ASPH: variants seen among roughly 807,000 people sequenced by gnomAD.
The protein encoded by ASPH is aspartate beta-hydroxylase.
In ASPH, 100 loss-of-function variants were observed where a neutral mutation model predicts 118.4. The observed-to-expected ratio is 0.84, with a 90% CI of 0.72 to 1.00. ASPH has a LOEUF of 1.00. Ranked by LOEUF, ASPH falls within the 50% of genes least tolerant of loss-of-function variation. The pLI, the probability that ASPH is intolerant of heterozygous loss-of-function variation, is 0.00. For missense variants in ASPH, 920 were observed against 919.5 expected (o/e 1.00, Z -0.01); for synonymous variants, 315 against 325.6 (o/e 0.97, Z 0.35).
chr8:61,640,373 G>A (rs771187139), intron 10 of ASPH, among the ~76,000 whole-genome samples: 3 of 152,132 alleles, frequency 2.0e-5, no homozygotes, highest in South Asian at 2.1e-4. Flanking sequence ...GAAGATGAAC[G>A]TCCTTGATCT....
At chr8:61,562,635 C>G in intron 18 of ASPH, 109 bp downstream of exon 18, 1 of 1,117,256 alleles carries the variant, frequency 9.0e-7, no homozygotes, top group Non-Finnish European at 1.2e-6. Flanking sequence ...ATAATACTTA[C>G]ATGCTTTTTA....
At chr8:61,705,735 C>G (rs184428205) in intron 1 of ASPH, among the ~76,000 whole-genome samples, 1 of 152,144 alleles carries the variant, frequency 6.6e-6, no homozygotes, top group Non-Finnish European at 1.5e-5. Context: ...AGATCAGACA[C>G]TAAAATTTGT....
At chr8:61,625,977 G>T in intron 13 of ASPH, 2 of 1,165,286 alleles carry the variant, frequency 1.7e-6, no homozygotes, top group Non-Finnish European at 1.1e-6. Flanking sequence ...ATAAATTCAG[G>T]TAAGACTAAA....
intron 14 of ASPH, among the ~76,000 whole-genome samples, chr8:61,598,624 C>T (rs1843091820): frequency 1.3e-5 from 2 of 152,188 alleles, no homozygotes; most frequent in African/African-American, 2.4e-5. Flanking sequence ...ATTTAAACTG[C>T]ACTTTTAGAC....
At chr8:61,578,407 T>G in intron 15 of ASPH, 1 of 1,604,136 alleles carries the variant, frequency 6.2e-7, no homozygotes, top group African/African-American at 1.3e-5. Context: ...ATGGGAGGCA[T>G]CACCGCAGTC....
chr8:61,630,683 C>A (rs758471735), intron 13 of ASPH, among the ~76,000 whole-genome samples: 1 of 152,078 alleles, frequency 6.6e-6, no homozygotes, highest in African/African-American at 2.4e-5. Context: ...TACTGCACTG[C>A]CAGCTGTATT....
chr8:61,665,100 T>C, intron 3 of ASPH: 2 of 1,417,150 alleles, frequency 1.4e-6, no homozygotes, highest in Non-Finnish European at 1.8e-6. Flanking sequence ...TATTTAAATT[T>C]CAGGTAATTT....
chr8:61,503,509 C>G lies in ASPH; in HGVS notation c.2127G>C (p.Lys709Asn), dbSNP rs769377583. Residue 709 changes from lysine (K) to asparagine (N), a missense_variant and splice_region_variant, in exon 25 of 25, where the codon AAG (lysine) becomes AAC (asparagine). Physicochemically the swap from Lys to Asn is moderately conservative, Grantham distance 94. Coordinates refer to ENST00000379454, the MANE Select transcript of ASPH (RefSeq NM_004318.4). ...TGAGCACCTTGCCTTCCTCCCAGGT[C>G]CTGCAGCAGAAAGACAAGGATTCCT... ...GCKIRCANET[K>N]TWEEGKVLIF... is the part of the protein sequence containing the mutation. 6.2e-7 allele frequency: 1 copy of G among 1,609,866 alleles called. No individual in the cohort carries two copies. The highest frequency in any genetic ancestry group is 1.7e-5 in the Admixed American group (1 of 59,616).
chr8:61,531,027 G>T lies in ASPH; in HGVS notation c.1765-4915C>A, dbSNP rs571498754. Among the ~76,000 whole-genome samples, 93 of 152,166 alleles carry T rather than the reference G, an allele frequency of 6.1e-4. 1 individual carries two copies. In the Middle Eastern group the frequency reaches 0.027, roughly 45 times the overall value. On this transcript the variant is annotated intron_variant, in intron 21 of 24. Transcript: ENST00000379454. ...AAATTCACATTCAGGTTTTATAATAGTATGACAATCAGGTATCATTCATAC... is the reference window on the plus strand; with the variant it reads ...AAATTCACATTCAGGTTTTATAATATTATGACAATCAGGTATCATTCATAC...
rs1208418451 is a variant in ASPH, at chr8:61,642,902, A to C, written c.776T>G (p.Val259Gly). Residue 259 changes from valine (V) to glycine (G), a missense_variant, in exon 10 of 25, where the codon GTC (valine) becomes GGC (glycine). Physicochemically the swap from Val to Gly is moderately radical, Grantham distance 109 (BLOSUM62 -3). Transcript: ENST00000379454. ...CATTTGCAAACCTTGTTCCTCATAG[A>C]CTTGGTATGTTACATCATCTGAAAA... ...HHDTDDVTYQVYEEQAVYEPL... is the reference protein window; with the variant it reads ...HHDTDDVTYQGYEEQAVYEPL... The C allele has an allele frequency of 1.3e-6, 2 of 1,558,640 alleles. No individual in the cohort carries two copies. Among genetic ancestry groups the C allele is most frequent in the Non-Finnish European group, 1.7e-6 (2 of 1,161,550 alleles).
intron 22 of ASPH, among the ~76,000 whole-genome samples, chr8:61,520,327 A>G (rs1812465975): frequency 6.6e-6 from 1 of 152,226 alleles, no homozygotes; most frequent in Non-Finnish European, 1.5e-5. Flanking sequence ...AGTCAGAGAC[A>G]TTTTAATTCC....
intron 24 of ASPH, among the ~76,000 whole-genome samples, chr8:61,513,136 T>A (rs1809535678): frequency 6.6e-6 from 1 of 152,208 alleles, no homozygotes; most frequent in Non-Finnish European, 1.5e-5. Flanking sequence ...ATGTACAAAT[T>A]GCTACAGATA....
At chr8:61,650,276 A>G (rs1255136465) in intron 5 of ASPH, among the ~76,000 whole-genome samples, 1 of 152,022 alleles carries the variant, frequency 6.6e-6, no homozygotes, top group African/African-American at 2.4e-5. Flanking sequence ...AGGCTCCTAC[A>G]CCCCTAGCAT....
rs114255913 is a variant in ASPH at position 61,612,968 on chromosome 8, C to T, written c.976+6010G>A. ...AGGCTATATGCATCTTATAATATCA[C>T]TATCAGATGAAGGGGCAAGAATGAA... On this transcript the variant is annotated intron_variant, in intron 14 of 24. Coordinates refer to ENST00000379454, the MANE Select transcript of ASPH (RefSeq NM_004318.4). 3.8e-3 allele frequency among the ~76,000 whole-genome samples: 575 copies of T among 152,284 alleles called. 1 individual carries two copies. Among genetic ancestry groups the T allele is most frequent in the African/African-American group, 0.013 (530 of 41,546 alleles).
At position 61,663,070 on chromosome 8, in the gene ASPH, A is replaced by G. The variant is rs79021112; in HGVS notation, c.323-9410T>C. 1.1e-3 allele frequency: 1,127 copies of G among 985,446 alleles called. 11 individuals are homozygous for G. The African/African-American group carries it at 0.018, about 15-fold the overall frequency. 61.0% of individuals were successfully genotyped at this position (985,446 alleles called of 1,614,324 possible). ...GAAGACAGCACTTAAAATTTTGTAC[A>G]TAAGTTTTAAAAAAACATTCCATTT... On this transcript the variant is annotated intron_variant, in intron 3 of 24. Transcript: ENST00000379454.
chr8:61,539,748 C>CGTGTGTG (rs1704217936), intron 21 of ASPH, among the ~76,000 whole-genome samples: 1 of 54,328 alleles, frequency 1.8e-5, no homozygotes. Flanking sequence ...GTGTCTGTCC[C>CGTGTGTG]TCTCCTGCGC....
chr8:61,517,706 T>C (rs1375838586), intron 23 of ASPH, 45 bp from the exon 24 acceptor site: 16 of 1,593,450 alleles, frequency 1.0e-5, no homozygotes, highest in East Asian at 2.3e-5. Flanking sequence ...TATCAAGGTG[T>C]GGAGGAACTG....
chr8:61,514,586 G>C (rs1430001176), intron 24 of ASPH, among the ~76,000 whole-genome samples: 1 of 152,082 alleles, frequency 6.6e-6, no homozygotes, highest in Non-Finnish European at 1.5e-5. Flanking sequence ...GCGGGTGCCT[G>C]TAGTCCCAGC....
intron 17 of ASPH, among the ~76,000 whole-genome samples, chr8:61,563,215 A>C (rs1830574738): frequency 6.6e-6 from 1 of 151,888 alleles, no homozygotes; most frequent in Non-Finnish European, 1.5e-5. Flanking sequence ...AGTTCTGCTG[A>C]AATCTTTTTG....
Sources: gnomAD v4.1 joint callset for allele counts (sites outside exome capture counted in the v4.1 genomes callset) on GRCh38, gnomAD v4.1.1 for gene constraint, MANE v1.5 for transcripts, NCBI Gene and HGNC (gene_info 2026-07-23, HGNC 2026-07-21) for gene names.